The following HECW2 variants were observed in gnomAD, a reference collection of about 807,000 sequenced individuals.
HECW2 encodes the protein HECT, C2 and WW domain containing E3 ubiquitin protein ligase 2.
In HECW2, 61 loss-of-function variants were observed where a neutral mutation model predicts 175.2. The ratio of observed to expected loss-of-function variants is 0.35; its 90% confidence interval spans 0.28 to 0.43. The LOEUF is 0.43. HECW2 is among the 20% of genes least tolerant of loss of function. HECW2 has a pLI of 1.00. For synonymous variants in HECW2, 671 were observed against 731.0 expected (o/e 0.92, Z 1.32); for missense variants, 1,524 against 2,000.5 (o/e 0.76, Z 4.54).
chr2:196,472,532 C>G (rs1697252066), intron 1 of HECW2, among the ~76,000 whole-genome samples: 1 of 150,782 alleles, frequency 6.6e-6, no homozygotes, highest in South Asian at 2.1e-4. Context: ...TGTTTAGGAC[C>G]CAAACATAGG....
intron 1 of HECW2, among the ~76,000 whole-genome samples, chr2:196,488,554 T>A (rs977483377): frequency 6.6e-6 from 1 of 152,036 alleles, no homozygotes; most frequent in African/African-American, 2.4e-5. Flanking sequence ...TACCACTATA[T>A]CTTGTTAAAA....
At chr2:196,263,708 T>C (rs1339305063) in intron 17 of HECW2, 2 of 152,216 alleles carry the variant, frequency 1.3e-5, no homozygotes, top group Non-Finnish European at 2.9e-5. Flanking sequence ...ATACGATTCT[T>C]ATGGACCCAG....
rs561883171 is a variant in HECW2 at position 196,412,763 on chromosome 2, C to G, written c.292+20369G>C. Among the ~76,000 whole-genome samples, 45 of 152,282 alleles carry G rather than the reference C, an allele frequency of 3.0e-4. 1 individual carries two copies. In the South Asian group the frequency reaches 7.5e-3, roughly 25 times the overall value. On this transcript the variant is annotated intron_variant, in intron 2 of 28. Coordinates refer to ENST00000644978, the MANE Select transcript of HECW2 (RefSeq NM_001348768.2). ...TTACCTCAGTCCATTAATGGAAAAC[C>G]AGTATCCCTGCCAAAAATAGAAAGT...
intron 2 of HECW2, among the ~76,000 whole-genome samples, chr2:196,378,191 T>C (rs1393248271): frequency 6.6e-6 from 1 of 152,210 alleles, no homozygotes; most frequent in Non-Finnish European, 1.5e-5. Context: ...TGTCATCTTT[T>C]TGTCATCTTG....
intron 1 of HECW2, among the ~76,000 whole-genome samples, chr2:196,474,678 A>G (rs1180191510): frequency 6.6e-6 from 1 of 152,218 alleles, no homozygotes; most frequent in African/African-American, 2.4e-5. Flanking sequence ...GTCATTTCAT[A>G]TCTGACAATG....
chr2:196,306,854 C>T (rs765164655), intron 12 of HECW2, among the ~76,000 whole-genome samples: 6 of 152,184 alleles, frequency 3.9e-5, no homozygotes, highest in African/African-American at 4.8e-5. Context: ...TGCATTCTTA[C>T]GTATTTTAAA....
chr2:196,389,339 T>C (rs1694440982), intron 2 of HECW2, among the ~76,000 whole-genome samples: 1 of 152,190 alleles, frequency 6.6e-6, no homozygotes, highest in Non-Finnish European at 1.5e-5. Flanking sequence ...TTTTCTAAAA[T>C]GCATTTTGAG....
At chr2:196,202,282 C>T (rs944439167) in intron 28 of HECW2, among the ~76,000 whole-genome samples, 1 of 152,166 alleles carries the variant, frequency 6.6e-6, no homozygotes, top group African/African-American at 2.4e-5. Context: ...GCTATTTCTA[C>T]AAAGTCACAT....
intron 2 of HECW2, among the ~76,000 whole-genome samples, chr2:196,345,670 G>T (rs1322849096): frequency 6.6e-6 from 1 of 152,118 alleles, no homozygotes; most frequent in Non-Finnish European, 1.5e-5. Context: ...AGCCACTGTG[G>T]TTGTGTTTCT....
At chr2:196,389,267 C>T (rs1340013851) in intron 2 of HECW2, among the ~76,000 whole-genome samples, 4 of 152,106 alleles carry the variant, frequency 2.6e-5, no homozygotes, top group Non-Finnish European at 5.9e-5. Context: ...CTGTGGCAGG[C>T]AAATGGGCAA....
In HECW2 at chr2:196,495,340, A is replaced by G. The variant is rs142137167; in HGVS notation, c.-35-61882T>C. On this transcript the variant is annotated intron_variant, in intron 1 of 28. Coordinates refer to ENST00000644978, the MANE Select transcript of HECW2 (RefSeq NM_001348768.2). ...CTCGGCCTCCCAAAGTGCTGGGATT[A>G]CAGGCGTGAGCCACCACGCCCTGTC... Among the ~76,000 whole-genome samples, 858 of 152,316 alleles carry G rather than the reference A, an allele frequency of 5.6e-3. 4 individuals are homozygous for G. The highest frequency in any genetic ancestry group is 0.01 in the Middle Eastern group (3 of 294).
intron 14 of HECW2, among the ~76,000 whole-genome samples, chr2:196,284,235 C>T (rs1288217732): frequency 6.6e-6 from 1 of 152,214 alleles, no homozygotes; most frequent in East Asian, 1.9e-4. Context: ...ACAGCATGCT[C>T]TACATACTGC....
At chr2:196,329,473 TATC>T (rs1385060989) in intron 5 of HECW2, 99 bp downstream of exon 5, 11 of 870,634 alleles carry the variant, frequency 1.3e-5, no homozygotes, top group Non-Finnish European at 2.1e-5. Context: ...CTAGTTCACA[TATC>T]ATCATATCAT....
chr2:196,357,060 A>G (rs918719344), intron 2 of HECW2, among the ~76,000 whole-genome samples: 2 of 152,200 alleles, frequency 1.3e-5, no homozygotes, highest in African/African-American at 4.8e-5. Flanking sequence ...TAAAGCAGGG[A>G]AGTGACATGA....
intron 1 of HECW2, among the ~76,000 whole-genome samples, chr2:196,559,050 T>C (rs1381302210): frequency 6.6e-6 from 1 of 152,162 alleles, no homozygotes; most frequent in African/African-American, 2.4e-5. Flanking sequence ...TTTACAATTA[T>C]GGAACTCAAA....
chr2:196,217,807 C>T (rs1030941397), intron 26 of HECW2: 1 of 152,092 alleles, frequency 6.6e-6, no homozygotes, highest in Non-Finnish European at 1.5e-5. Context: ...TCAGTGAAAA[C>T]AAAAATTAAA....
rs1418924103 is a variant in HECW2 at position 196,512,698 on chromosome 2, T to C, written c.-35-79240A>G. Among the ~76,000 whole-genome samples the C allele has an allele frequency of 6.6e-5, 10 of 152,124 alleles. No homozygotes were observed. In the East Asian group the frequency reaches 1.9e-3, roughly 29 times the overall value. On this transcript the variant is annotated intron_variant, in intron 1 of 28. Coordinates refer to ENST00000644978, the MANE Select transcript of HECW2 (RefSeq NM_001348768.2). ...TTGCACCTGGCCAGATTATACTTTT[T>C]TTTTTTTTCGAGTTGGAGTCTCGCT...
At position 196,476,005 on chromosome 2, in the gene HECW2, C is replaced by A. The variant is rs529989303; in HGVS notation, c.-35-42547G>T. Among the ~76,000 whole-genome samples, 24 of 152,318 alleles carry A rather than the reference C, an allele frequency of 1.6e-4. 2 individuals carry two copies. In the South Asian group the frequency reaches 3.7e-3, roughly 24 times the overall value. ...CTCACCATGTTCATCTAGCATAGGA[C>A]CCTCAATACATTTCTCTGACACAGG... On this transcript the variant is annotated intron_variant, in intron 1 of 28. Transcript: ENST00000644978.
chr2:196,334,346 T>A (rs929592415), intron 4 of HECW2, 78 bp downstream of exon 4: 13 of 1,060,670 alleles, frequency 1.2e-5, no homozygotes, highest in South Asian at 4.1e-5. Flanking sequence ...CATAACCCTG[T>A]CAGGGCCGCA....
Sources: gnomAD v4.1 joint callset for allele counts (sites outside exome capture counted in the v4.1 genomes callset) on GRCh38, gnomAD v4.1.1 for gene constraint, MANE v1.5 for transcripts, NCBI Gene and HGNC (gene_info 2026-07-23, HGNC 2026-07-21) for gene names.